PRKN: variants seen among roughly 807,000 people sequenced by gnomAD.
PRKN encodes the protein parkin RBR E3 ubiquitin protein ligase, also known as E3 ubiquitin-protein ligase parkin.
A neutral mutation model predicts 59.5 loss-of-function variants in PRKN; 56 were observed. The observed-to-expected ratio is 0.94, with a 90% confidence interval of 0.76 to 1.18. The LOEUF is 1.18. PRKN is among the 50% of genes most tolerant of loss of function. The probability of loss-of-function intolerance (pLI) is 0.00; values close to 1 mark genes in which losing one functional copy is unlikely to be tolerated. For synonymous variants in PRKN, 250 were observed against 222.1 expected (o/e 1.13, Z -1.12); for missense variants, 657 against 596.4 (o/e 1.10, Z -1.06).
chr6:161,519,959 C>T (rs554555838), intron 9 of PRKN, among the ~76,000 whole-genome samples: 1 of 152,266 alleles, frequency 6.6e-6, no homozygotes, highest in African/African-American at 2.4e-5. Context: ...ATCACCTAAG[C>T]TGATCTAATT....
rs1779909075 is a variant in PRKN at position 161,549,170 on chromosome 6, TA to T, written c.934-168del. ...GGGAGGGAGAGGGCCACGGGGTTGA[TA>T]GGGGAGGACGAATATGGTTCAATGC... On this transcript the variant is annotated intron_variant, in intron 8 of 11. Coordinates refer to ENST00000366898, the MANE Select transcript of PRKN (RefSeq NM_004562.3). This position sits in a 1 kb window ranked among gnomAD's most constrained non-coding sequence, Gnocchi z 6.0. Among the ~76,000 whole-genome samples, 1 of 151,772 alleles carries T rather than the reference TA, an allele frequency of 6.6e-6. No homozygotes were observed. The highest frequency in any genetic ancestry group is 6.6e-5 in the Admixed American group (1 of 15,232).
intron 7 of PRKN, among the ~76,000 whole-genome samples, chr6:161,680,146 A>C (rs9689649): frequency 0.29 from 44,223 of 152,002 alleles, 6,938 homozygotes; most frequent in Admixed American, 0.44. Flanking sequence ...TTCTAAATAA[A>C]CTTTTCGATC....
At position 162,710,656 on chromosome 6, in the gene PRKN, G is replaced by A. The variant is rs181225509; in HGVS notation, c.7+17006C>T. Among the ~76,000 whole-genome samples the A allele has an allele frequency of 9.2e-5, 14 of 152,106 alleles. No individual in the cohort carries two copies. In the East Asian group the frequency reaches 1.4e-3, roughly 15 times the overall value. ...GAACTGATGTATTACACATTTGCAC[G>A]GCCTAATCCCTGAAGTGTCAGAAGG... is the stretch of plus-strand genomic sequence containing the variant. On this transcript the variant is annotated intron_variant, in intron 1 of 11. Transcript: ENST00000366898.
At chr6:162,180,477 T>C (rs1783755927) in intron 4 of PRKN, among the ~76,000 whole-genome samples, 1 of 152,144 alleles carries the variant, frequency 6.6e-6, no homozygotes, top group African/African-American at 2.4e-5. Context: ...GTCTCGAATA[T>C]ACTATAAACA....
intron 7 of PRKN, among the ~76,000 whole-genome samples, chr6:161,618,253 T>C (rs971190925): frequency 6.6e-6 from 1 of 152,230 alleles, no homozygotes; most frequent in Non-Finnish European, 1.5e-5. Flanking sequence ...TTTCAACTGC[T>C]GCTTTGAGAA....
chr6:162,574,896 G>C (rs916015150), intron 1 of PRKN, among the ~76,000 whole-genome samples: 3 of 148,752 alleles, frequency 2.0e-5, no homozygotes, highest in African/African-American at 7.4e-5. Flanking sequence ...GTTGTTCTGA[G>C]TGGACTTGGC....
At chr6:161,886,253 G>A (rs1795144062) in intron 6 of PRKN, among the ~76,000 whole-genome samples, 1 of 152,114 alleles carries the variant, frequency 6.6e-6, no homozygotes, top group Non-Finnish European at 1.5e-5. Flanking sequence ...ACGAAATACA[G>A]ATTTACTGAT....
chr6:162,384,071 A>AT (rs1448313784), intron 2 of PRKN, among the ~76,000 whole-genome samples: 1 of 152,156 alleles, frequency 6.6e-6, no homozygotes, highest in African/African-American at 2.4e-5. Flanking sequence ...GACCACTAAA[A>AT]TGTTCTCCAC....
intron 1 of PRKN, among the ~76,000 whole-genome samples, chr6:162,600,397 C>T (rs961471463): frequency 1.1e-4 from 16 of 152,108 alleles, no homozygotes; most frequent in Admixed American, 9.8e-4. Context: ...TGAGATGTTT[C>T]CAATTTGGGG....
chr6:162,526,901 T>A (rs751307359), intron 1 of PRKN, among the ~76,000 whole-genome samples: 1 of 152,082 alleles, frequency 6.6e-6, no homozygotes, highest in Non-Finnish European at 1.5e-5. Context: ...TTAAGACACA[T>A]TGAAAGATGG....
intron 5 of PRKN, among the ~76,000 whole-genome samples, chr6:161,989,088 C>G (rs1377797822): frequency 6.6e-6 from 1 of 152,110 alleles, no homozygotes; most frequent in Non-Finnish European, 1.5e-5. Flanking sequence ...ATACAATGAG[C>G]TTTAGTACAA....
intron 6 of PRKN, among the ~76,000 whole-genome samples, chr6:161,813,281 T>A (rs1791635333): frequency 6.6e-6 from 1 of 152,086 alleles, no homozygotes; most frequent in Admixed American, 6.5e-5. Context: ...CCTGAGCATG[T>A]GAGTCCCCCT....
intron 2 of PRKN, among the ~76,000 whole-genome samples, chr6:162,271,021 T>G (rs909956126): frequency 2.0e-5 from 3 of 147,004 alleles, no homozygotes; most frequent in Non-Finnish European, 3.0e-5. Flanking sequence ...TTCTAGTTTT[T>G]TTTTTTTTTT....
intron 9 of PRKN, among the ~76,000 whole-genome samples, chr6:161,437,225 T>G (rs1302801632): frequency 6.6e-6 from 1 of 152,094 alleles, no homozygotes; most frequent in Non-Finnish European, 1.5e-5. Flanking sequence ...TCTCTAAATA[T>G]CTCATTGTCC....
intron 1 of PRKN, among the ~76,000 whole-genome samples, chr6:162,564,785 G>C (rs1428213588): frequency 6.7e-6 from 1 of 149,376 alleles, no homozygotes; most frequent in East Asian, 2.0e-4. Flanking sequence ...GAGAAATAAA[G>C]ACTTTCCCAG....
At chr6:162,358,218 T>G (rs1270066653) in intron 2 of PRKN, among the ~76,000 whole-genome samples, 1 of 152,242 alleles carries the variant, frequency 6.6e-6, no homozygotes, top group African/African-American at 2.4e-5. Context: ...ACAATTTGTC[T>G]GTAATCCTAA....
At chr6:161,874,190 ATATAATAT>A (rs1794513109) in intron 6 of PRKN, among the ~76,000 whole-genome samples, 3 of 65,546 alleles carry the variant, frequency 4.6e-5, no homozygotes, top group Admixed American at 2.9e-4. Context: ...TATATATAAT[ATATAATAT>A]ATATTATATG....
chr6:161,902,557 T>TCTATCTATCTATCTA (rs762251427), intron 6 of PRKN, among the ~76,000 whole-genome samples: 3 of 132,184 alleles, frequency 2.3e-5, no homozygotes, highest in East Asian at 2.2e-4. Context: ...TATTTATTTA[T>TCTATCTATCTATCTA]TTATTTATTT....
At chr6:161,895,305 C>T (rs894075173) in intron 6 of PRKN, among the ~76,000 whole-genome samples, 1 of 152,128 alleles carries the variant, frequency 6.6e-6, no homozygotes, top group Non-Finnish European at 1.5e-5. Context: ...GAGACCTGAA[C>T]GATTGGCATA....
Sources: gnomAD v4.1 joint callset for allele counts (sites outside exome capture counted in the v4.1 genomes callset) on GRCh38, gnomAD v4.1.1 for gene constraint, Gnocchi (gnomAD v3.1) non-coding constraint, MANE v1.5 for transcripts, NCBI Gene and HGNC (gene_info 2026-07-23, HGNC 2026-07-21) for gene names.